WNK1: variants seen among roughly 807,000 people sequenced by gnomAD.
The protein encoded by WNK1 is serine/threonine-protein kinase WNK1.
A neutral mutation model predicts 222.8 loss-of-function variants in WNK1; 38 were observed. The ratio of observed to expected loss-of-function variants is 0.17; its 90% CI spans 0.13 to 0.22. WNK1 has a LOEUF of 0.22. WNK1 is among the 10% of genes least tolerant of loss of function. The pLI is 1.00. For synonymous variants in WNK1, 1,090 were observed against 1,092.9 expected, an observed-to-expected ratio of 1.00 and a Z score of 0.05; for missense variants, 2,348 against 2,918.4, an observed-to-expected ratio of 0.80 and a Z score of 4.50.
At position 896,846 on chromosome 12, in the gene WNK1, A is replaced by C. The variant is rs1206802869; in HGVS notation, c.6245+114A>C. On this transcript the variant is annotated intron_variant, in intron 24 of 27. Transcript: ENST00000315939. Reference sequence around the variant, plus strand: ...ATATGCTAATGTCTCATTTCTTTTAAAGAGACAGTGCCACAGAAGCCCCAC... The same window carrying C: ...ATATGCTAATGTCTCATTTCTTTTACAGAGACAGTGCCACAGAAGCCCCAC... The C allele has an allele frequency of 3.3e-5, 39 of 1,190,468 alleles. 1 individual carries two copies. The South Asian group carries it at 5.1e-4, about 16-fold the overall frequency. 73.7% of individuals were successfully genotyped at this position (1,190,468 alleles called of 1,614,324 possible). A position where few individuals can be genotyped will look rare whatever the true frequency, so the allele number is the denominator to read the frequency against.
chr12:854,467 C>T (rs1347295251), intron 4 of WNK1, among the ~76,000 whole-genome samples: 8 of 146,716 alleles, frequency 5.5e-5, no homozygotes, highest in African/African-American at 2.0e-4. Context: ...AAGCGATTCT[C>T]CTGCCTCAGC....
chr12:859,444 G>A lies in WNK1; in HGVS notation c.1600G>A (p.Glu534Lys). Residue 534 changes from glutamate to lysine, a missense_variant, in exon 6 of 28, where the codon GAA becomes AAA. Glu to Lys is a moderately conservative substitution (Grantham distance 56). This residue lies in a region of WNK1 where 103 missense variants were observed against 111.5 expected (regional missense o/e 0.92). Coordinates refer to ENST00000315939, the MANE Select transcript of WNK1 (RefSeq NM_018979.4). ...FSFDLERDVP[E>K]DVAQEMVESG... ...TTTTGATTTAGAGAGAGATGTCCCA[G>A]AAGATGTTGCACAAGAAATGGTAAA... 6.2e-7 allele frequency: 1 copy of A among 1,611,718 alleles called. No homozygotes were observed. Among genetic ancestry groups the A allele is most frequent in the East Asian group, 2.2e-5 (1 of 44,782 alleles).
rs2153936393 is a variant in WNK1 at position 766,018 on chromosome 12, GTT to G, written c.759+11696_759+11697del. On this transcript the variant is annotated intron_variant, in intron 1 of 27. Transcript: ENST00000315939. ...ACTCAAAATATTTGGTGACCTTACAGTTTCAGAAGAAGGGAAAATTTGCAGTG... is the reference window on the plus strand; with the variant it reads ...ACTCAAAATATTTGGTGACCTTACAGTCAGAAGAAGGGAAAATTTGCAGTG... Among the ~76,000 whole-genome samples, 5 of 152,280 alleles carry G rather than the reference GTT, an allele frequency of 3.3e-5. 1 individual carries two copies. In the South Asian group the frequency reaches 1.0e-3, roughly 32 times the overall value.
chr12:878,344 G>C lies in WNK1; in HGVS notation c.2356G>C (p.Val786Leu). The C allele has an allele frequency of 3.1e-6, 5 of 1,612,424 alleles. No homozygotes were observed. Among genetic ancestry groups the C allele is most frequent in the Non-Finnish European group, 4.2e-6 (5 of 1,179,758 alleles). The change falls in exon 10 of 28, where the codon GTA (valine) becomes CTA (leucine). Residue 786 changes from valine (V) to leucine (L), a missense_variant. Transcript: ENST00000315939. ...QPQAPQVLPQ[V>L]SAGKQLPVSQ... ...TCAAGCTCCACAAGTCTTGCCTCAA[G>C]TATCAGCTGGAAAACAGGTAAACTT...
intron 8 of WNK1, chr12:867,647 A>G (rs1951784818): frequency 5.4e-6 from 3 of 559,086 alleles, no homozygotes; most frequent in East Asian, 6.0e-5. Context: ...AGCAGCTCTT[A>G]TCTAAAGCAA....
Position 758,576 on chromosome 12 carries a change from A to G in WNK1, c.759+4252A>G, listed in dbSNP as rs1345770285. The stretch of plus-strand genomic sequence containing the variant: ...CTAATTTTTTGTATTTTTAGTAGAG[A>G]CGGGGTTTCACCTTGTTAGCCAGGA... On this transcript the variant is annotated intron_variant, in intron 1 of 27. Transcript: ENST00000315939. Among the ~76,000 whole-genome samples the G allele has an allele frequency of 5.5e-5, 8 of 144,774 alleles. 1 individual carries two copies. In the East Asian group the frequency reaches 1.6e-3, roughly 29 times the overall value. The allele number at this position is 144,774 out of a possible 152,430, so 95.0% of individuals were successfully genotyped here.
rs895639676 is a variant in WNK1, at chr12:911,115, A to C, written c.*2323A>C. On this transcript the variant is annotated 3_prime_UTR_variant, in exon 28 of 28. Transcript: ENST00000315939. ...ACTGGTGTTATTTACTGTTGATTTC[A>C]TCCTCCTGTGTATGAAATAACAAGC... 2.5e-6 allele frequency: 1 copy of C among 395,222 alleles called. No individual in the cohort carries two copies. Among genetic ancestry groups the C allele is most frequent in the African/African-American group, 2.1e-5 (1 of 48,696 alleles). 24.5% of individuals were successfully genotyped at this position (395,222 alleles called of 1,614,324 possible). A position where few individuals can be genotyped will look rare whatever the true frequency, so the allele number is the denominator to read the frequency against.
rs1944213125 is a variant in WNK1 at position 785,527 on chromosome 12, A to G, written c.760-28115A>G. 2.0e-5 allele frequency among the ~76,000 whole-genome samples: 3 copies of G among 151,108 alleles called. No homozygotes were observed. In the South Asian group the frequency reaches 6.3e-4, roughly 32 times the overall value. ...GCAGTTCTGCCTCAGCCTCCCGAGT[A>G]GCTGGGATTACAGGCACCCGCCACC... On this transcript the variant is annotated intron_variant, in intron 1 of 27. Coordinates refer to ENST00000315939, the MANE Select transcript of WNK1 (RefSeq NM_018979.4).
Position 885,764 on chromosome 12 carries a change from A to G in WNK1, c.4960A>G (p.Thr1654Ala). The stretch of plus-strand genomic sequence containing the variant: ...AGCTCCTGGAATTGATGACATAAAG[A>G]CTCTAGAAGAAAAGCTGCGGTCTCT... ...PKAPGIDDIK[T>A]LEEKLRSLFS... Residue 1654 changes from threonine to alanine, a missense_variant, in exon 19 of 28, where the codon ACT becomes GCT. Coordinates refer to ENST00000315939, the MANE Select transcript of WNK1 (RefSeq NM_018979.4). The G allele has an allele frequency of 6.2e-7, 1 of 1,614,104 alleles. No individual in the cohort carries two copies. The highest frequency in any genetic ancestry group is 8.5e-7 in the Non-Finnish European group (1 of 1,180,018).
At position 881,746 on chromosome 12, in the gene WNK1, A is replaced by C. The variant is rs956868; in HGVS notation, c.3166A>C (p.Thr1056Pro). ...TGCAGAGCCAGTTGCAGTAGCACAG[A>C]CCCAAGCTACCCAGCCGACCACTTT... is the stretch of plus-strand genomic sequence containing the variant. ...APAEPVAVAQ[T>P]QATQPTTLAS... is the part of the protein sequence containing the mutation. Residue 1056 changes from threonine to proline, a missense_variant, in exon 13 of 28, where the codon ACC becomes CCC. By Grantham distance (38) the Thr-to-Pro change is conservative. Around this residue, in one of 13 missense-constraint regions of WNK1, gnomAD observed 547 missense variants for 558.3 expected, o/e 0.98. Coordinates refer to ENST00000315939, the MANE Select transcript of WNK1 (RefSeq NM_018979.4). 1,362,151 of 1,613,940 alleles carry C rather than the reference A, an allele frequency of 0.84. 575,538 individuals are homozygous for C. The highest frequency in any genetic ancestry group is 0.87 in the Admixed American group (51,915 of 60,016).
chr12:800,675 T>G (rs1945783132), intron 1 of WNK1, among the ~76,000 whole-genome samples: 1 of 152,132 alleles, frequency 6.6e-6, no homozygotes, highest in African/African-American at 2.4e-5. Context: ...TTGTCTGTAT[T>G]TAGAGCTCAT....
chr12:839,334 T>G (rs1285032850), intron 4 of WNK1, among the ~76,000 whole-genome samples: 2 of 152,236 alleles, frequency 1.3e-5, no homozygotes, highest in African/African-American at 4.8e-5. Flanking sequence ...TGTCAACACC[T>G]ACAGACTTAA....
chr12:864,392 T>G (rs1349791652), intron 8 of WNK1, among the ~76,000 whole-genome samples: 1 of 152,176 alleles, frequency 6.6e-6, no homozygotes, highest in Non-Finnish European at 1.5e-5. Context: ...ATTACAGGTG[T>G]GAGCCACCAT....
Position 881,773 on chromosome 12 carries a change from G to T in WNK1, c.3193G>T (p.Ala1065Ser), listed in dbSNP as rs369772732. ...CCAAGCTACCCAGCCGACCACTTTG[G>T]CTTCCTCTGTAGACAGGTACGTAAA... ...QTQATQPTTL[A>S]SSVDSAHSDV... Residue 1065 changes from alanine (A) to serine (S), a missense_variant, in exon 13 of 28, where the codon GCT (alanine) becomes TCT (serine). By Grantham distance (99) the Ala-to-Ser change is moderately conservative (BLOSUM62 1). Around this residue, in one of 13 missense-constraint regions of WNK1, gnomAD observed 547 missense variants for 558.3 expected, o/e 0.98. Transcript: ENST00000315939. The T allele has an allele frequency of 1.2e-6, 2 of 1,614,186 alleles. No individual in the cohort carries two copies. The highest frequency in any genetic ancestry group is 1.7e-6 in the Non-Finnish European group (2 of 1,180,038).
intron 23 of WNK1, 49 bp downstream of exon 23, chr12:894,684 G>T: frequency 6.5e-7 from 1 of 1,543,584 alleles, no homozygotes; most frequent in Non-Finnish European, 9.0e-7. Context: ...TGGAGGAGTT[G>T]TCTATATAAT....
At chr12:808,761 CTT>C (rs11322620) in intron 1 of WNK1, among the ~76,000 whole-genome samples, 16,031 of 119,498 alleles carry the variant, frequency 0.13, 1,008 homozygotes, top group Middle Eastern at 0.22. Flanking sequence ...GTATCTCTCT[CTT>C]TTTTTTTTTT....
Position 908,955 on chromosome 12 carries a change from GGA to G in WNK1, c.*167_*168del, listed in dbSNP as rs1955920204. 2 of 803,420 alleles carry G rather than the reference GGA, an allele frequency of 2.5e-6. No individual in the cohort carries two copies. The highest frequency in any genetic ancestry group is 1.7e-5 in the African/African-American group (1 of 58,588). The allele number at this position is 803,420 out of a possible 1,614,324, so 49.8% of individuals were successfully genotyped here. A position where few individuals can be genotyped will look rare whatever the true frequency, so the allele number is the denominator to read the frequency against. ...TAATACTGCATTGAGCCCTCAGAAT[GGA>G]GAGTCTCCCCCGCTCCAGTTATTGG... On this transcript the variant is annotated 3_prime_UTR_variant, in exon 28 of 28. Coordinates refer to ENST00000315939, the MANE Select transcript of WNK1 (RefSeq NM_018979.4).
chr12:769,548 C>T (rs1942218320), intron 1 of WNK1, among the ~76,000 whole-genome samples: 1 of 152,060 alleles, frequency 6.6e-6, no homozygotes, highest in South Asian at 2.1e-4. Flanking sequence ...TTTTTTATGA[C>T]ATCCTTACTT....
chr12:855,713 C>T (rs528992095), intron 4 of WNK1, among the ~76,000 whole-genome samples: 3 of 152,242 alleles, frequency 2.0e-5, no homozygotes, highest in South Asian at 2.1e-4. Context: ...ACTCTTGATC[C>T]GTGTGGTGAC....
Sources: allele counts gnomAD v4.1 joint callset (sites outside exome capture counted in the v4.1 genomes callset), GRCh38; gene constraint gnomAD v4.1.1; regional missense constraint gnomAD v4.1.1; transcripts MANE v1.5; gene names NCBI Gene and HGNC (gene_info 2026-07-23, HGNC 2026-07-21).